LIMS2: variants seen among roughly 807,000 people sequenced by gnomAD.
The protein encoded by LIMS2 is LIM zinc finger domain containing 2.
LIMS2 carries 30 observed loss-of-function variants against 45.3 expected under a neutral mutation model. The observed-to-expected ratio is 0.66, with a 90% CI of 0.50 to 0.90. The LOEUF (loss-of-function observed/expected upper bound fraction) is 0.90. Among genes scored for constraint, LIMS2 ranks in the 40% least tolerant of loss-of-function variants. LIMS2 has a pLI of 0.00. For missense variants in LIMS2, 485 were observed against 468.7 expected (o/e 1.03, Z -0.32); for synonymous variants, 173 against 188.0 (o/e 0.92, Z 0.65).
intron 4 of LIMS2, chr2:127,651,933 ATCCATCGGCCACCCC>A: frequency 1.5e-6 from 1 of 648,944 alleles, no homozygotes; most frequent in South Asian, 2.0e-5. Context: ...GACAAAGGGG[ATCCATCGGCCACCCC>A]TCTGCAGGGG....
At chr2:127,644,244 G>T in intron 4 of LIMS2, 1 of 379,020 alleles carries the variant, frequency 2.6e-6, no homozygotes, top group South Asian at 1.9e-5. Context: ...GCCCAGCAGG[G>T]GGCAACAGCT....
chr2:127,656,504 C>T (rs1684265253), intron 2 of LIMS2, among the ~76,000 whole-genome samples: 1 of 151,752 alleles, frequency 6.6e-6, no homozygotes, highest in African/African-American at 2.4e-5. Context: ...ACCTCTGCCT[C>T]CCAGGTTCAA....
intron 7 of LIMS2, 87 bp from the exon 8 acceptor site, chr2:127,640,405 CG>C: frequency 7.1e-7 from 1 of 1,408,452 alleles, no homozygotes; most frequent in African/African-American, 1.4e-5. Flanking sequence ...CCCTCCAACA[CG>C]GCCCCTCTCA....
At chr2:127,668,691 AAAAAAAAAAAAAAAAAAAAAC>A (rs1558901383) in intron 1 of LIMS2, among the ~76,000 whole-genome samples, 20 of 132,572 alleles carry the variant, frequency 1.5e-4, no homozygotes, top group African/African-American at 6.1e-4. Context: ...AAAAAAAAAA[AAAAAAAAAAAAAAAAAAAAAC>A]ACCTTACTTA....
rs1189588087 is a variant in LIMS2, at chr2:127,649,957, G to A, written c.359+4467C>T. On this transcript the variant is annotated intron_variant, in intron 4 of 9. Coordinates refer to ENST00000355119, the MANE Select transcript of LIMS2 (RefSeq NM_001161403.3). ...TCTGGGAGAGAAAATACTCCCAGCT[G>A]GCCTGATACCCAGGCACAGGCTTCT... 9 of 1,435,640 alleles carry A rather than the reference G, an allele frequency of 6.3e-6. No individual in the cohort carries two copies. In the Admixed American group the frequency reaches 1.3e-4, roughly 20 times the overall value. The allele number at this position is 1,435,640 out of a possible 1,614,324, so 88.9% of individuals were successfully genotyped here.
At position 127,657,306 on chromosome 2, in the gene LIMS2, T is replaced by C. The variant is rs1013296732; in HGVS notation, c.171+97A>G. The stretch of plus-strand genomic sequence containing the variant: ...TCTGGGCTGGCTCCAGACCTGGCCC[T>C]GTCACCAGTCGGGACCACTGCATGG... On this transcript the variant is annotated intron_variant, in intron 2 of 9. Coordinates refer to ENST00000355119, the MANE Select transcript of LIMS2 (RefSeq NM_001161403.3). 4 of 1,448,874 alleles carry C rather than the reference T, an allele frequency of 2.8e-6. No homozygotes were observed. The African/African-American group carries it at 4.2e-5, about 15-fold the overall frequency. The allele number at this position is 1,448,874 out of a possible 1,614,324, so 89.8% of individuals were successfully genotyped here.
At chr2:127,651,114 GCCGA>G (rs1558882065) in intron 4 of LIMS2, 1 of 1,613,356 alleles carries the variant, frequency 6.2e-7, no homozygotes, top group South Asian at 1.1e-5. Flanking sequence ...CTGCATCAGC[GCCGA>G]CCGTTTCCTG....
rs1682100967 is a variant in LIMS2 at position 127,638,878 on chromosome 2, C to T, written c.*403G>A. ...CTGTGGGTAGCCCAGGAGCCACATG[C>T]GCTTAGTGGGGCCGCTCTGGGGCAG... is the stretch of plus-strand genomic sequence containing the variant. On this transcript the variant is annotated 3_prime_UTR_variant, in exon 10 of 10. Coordinates refer to ENST00000355119, the MANE Select transcript of LIMS2 (RefSeq NM_001161403.3). 5.3e-6 allele frequency: 1 copy of T among 188,904 alleles called. No individual in the cohort carries two copies. The highest frequency in any genetic ancestry group is 1.0e-4 in the South Asian group (1 of 9,884). 11.7% of individuals were successfully genotyped at this position (188,904 alleles called of 1,614,324 possible). A position where few individuals can be genotyped will look rare whatever the true frequency, so the allele number is the denominator to read the frequency against.
intron 1 of LIMS2, among the ~76,000 whole-genome samples, chr2:127,661,647 G>A (rs535543124): frequency 1.3e-5 from 2 of 152,206 alleles, no homozygotes; most frequent in African/African-American, 2.4e-5. Flanking sequence ...CCCCAGAGGT[G>A]GGGGAGAGCA....
intron 1 of LIMS2, chr2:127,674,138 C>T: frequency 5.9e-6 from 1 of 169,344 alleles, no homozygotes; most frequent in Non-Finnish European, 1.3e-5. Context: ...CTGCCCTGTA[C>T]CCTCCAAGCC....
At chr2:127,652,116 G>C (rs533063559) in intron 4 of LIMS2, 2 of 290,358 alleles carry the variant, frequency 6.9e-6, no homozygotes, top group African/African-American at 2.2e-5. Context: ...GCGAGGCTCA[G>C]CAGAAAGACC....
chr2:127,646,060 G>A (rs1192129258), intron 4 of LIMS2: 1 of 153,090 alleles, frequency 6.5e-6, no homozygotes, highest in Non-Finnish European at 1.5e-5. Flanking sequence ...GACACAACAA[G>A]GGACCCCTCA....
rs1683190996 is a variant in LIMS2, at chr2:127,648,039, C to T, written c.360-4967G>A. 7 of 985,774 alleles carry T rather than the reference C, an allele frequency of 7.1e-6. No homozygotes were observed. The Admixed American group carries it at 1.8e-4, about 26-fold the overall frequency. 61.1% of individuals were successfully genotyped at this position (985,774 alleles called of 1,614,324 possible). A position where few individuals can be genotyped will look rare whatever the true frequency, so the allele number is the denominator to read the frequency against. On this transcript the variant is annotated intron_variant, in intron 4 of 9. Transcript: ENST00000355119. ...TCCCTCTCCCAAGCATCACTCACCC[C>T]GCCTTCTTCGGCCCTCAGCTCTCCG...
intron 4 of LIMS2, chr2:127,651,601 A>G (rs1313863518): frequency 1.9e-6 from 3 of 1,613,472 alleles, no homozygotes; most frequent in Non-Finnish European, 1.7e-6. Flanking sequence ...ACCAGCCTCA[A>G]CGGGGCACTC....
chr2:127,659,749 G>A (rs537874515), intron 1 of LIMS2, among the ~76,000 whole-genome samples: 16 of 152,246 alleles, frequency 1.1e-4, no homozygotes, highest in South Asian at 8.3e-4. Context: ...TTCAGATTCC[G>A]CCTTAAAGCC....
Position 127,653,760 on chromosome 2 carries a change from C to T in LIMS2, c.359+664G>A, listed in dbSNP as rs111314203. ...GGGCAGATGAGGCCAGGGTAGCACA[C>T]GCGAGGGGCAGCGGGTGTGCTGGGA... On this transcript the variant is annotated intron_variant, in intron 4 of 9. Transcript: ENST00000355119. The surrounding 1 kb of genome is among the most constrained non-coding windows in gnomAD (Gnocchi z 5.3). Among the ~76,000 whole-genome samples the T allele has an allele frequency of 3.5e-4, 53 of 152,124 alleles. 1 individual carries two copies. The highest frequency in any genetic ancestry group is 5.8e-4 in the African/African-American group (24 of 41,502).
intron 1 of LIMS2, 144 bp downstream of exon 1, chr2:127,674,870 C>G (rs1486924540): frequency 5.8e-6 from 7 of 1,211,346 alleles, no homozygotes; most frequent in Non-Finnish European, 7.2e-6. Flanking sequence ...CGGGCGCTGC[C>G]GCCCCGGCAG....
chr2:127,653,175 G>T lies in LIMS2; in HGVS notation c.359+1249C>A, dbSNP rs1185192563. Among the ~76,000 whole-genome samples the T allele has an allele frequency of 6.6e-6, 1 of 152,200 alleles. No homozygotes were observed. The highest frequency in any genetic ancestry group is 6.5e-5 in the Admixed American group (1 of 15,278). On this transcript the variant is annotated intron_variant, in intron 4 of 9. Coordinates refer to ENST00000355119, the MANE Select transcript of LIMS2 (RefSeq NM_001161403.3). This position sits in a 1 kb window ranked among gnomAD's most constrained non-coding sequence, Gnocchi z 5.3. ...CCCCAGGCCACGTGCCTCTCTCACG[G>T]GCAGCACACGGACAAGAGCTCGGTA...
In LIMS2 at chr2:127,642,869, G is replaced by C. The variant is rs1445658418; in HGVS notation, c.509+54C>G. 1 of 1,533,936 alleles carries C rather than the reference G, an allele frequency of 6.5e-7. No individual in the cohort carries two copies. The highest frequency in any genetic ancestry group is 2.5e-5 in the East Asian group (1 of 40,726). On this transcript the variant is annotated intron_variant, in intron 5 of 9. Coordinates refer to ENST00000355119, the MANE Select transcript of LIMS2 (RefSeq NM_001161403.3). This position sits in a 1 kb window ranked among gnomAD's most constrained non-coding sequence, Gnocchi z 5.3. ...GTGGAGGCCCCACCGCCCTTACCCT[G>C]GGCCAGCCCTGGCTCCCCGCCCCCA...
Sources: allele counts gnomAD v4.1 joint callset (sites outside exome capture counted in the v4.1 genomes callset), GRCh38; gene constraint gnomAD v4.1.1; non-coding constraint Gnocchi (gnomAD v3.1); transcripts MANE v1.5; gene names NCBI Gene and HGNC (gene_info 2026-07-23, HGNC 2026-07-21).